The following SORBS2 variants were observed in gnomAD, a reference collection of about 807,000 sequenced individuals.
SORBS2 encodes sorbin and SH3 domain containing 2, also known as sorbin and SH3 domain-containing protein 2.
In SORBS2, 46 loss-of-function variants were observed where a neutral mutation model predicts 97.7. The ratio of observed to expected loss-of-function variants is 0.47; its 90% CI spans 0.37 to 0.60. The LOEUF (loss-of-function observed/expected upper bound fraction) is 0.60, where lower values mean the gene tolerates loss of function less well. Ranked by LOEUF, SORBS2 falls within the 20% of genes least tolerant of loss-of-function variation. The pLI is 0.00. For synonymous variants in SORBS2, 476 were observed against 473.4 expected, an observed-to-expected ratio of 1.01 and a Z score of -0.07; for missense variants, 1,316 against 1,282.3, an observed-to-expected ratio of 1.03 and a Z score of -0.40.
intron 2 of SORBS2, among the ~76,000 whole-genome samples, chr4:185,694,937 C>T (rs1179689762): frequency 6.6e-6 from 1 of 151,688 alleles, no homozygotes; most frequent in Non-Finnish European, 1.5e-5. Flanking sequence ...AAACTCCTGA[C>T]CTTGTGATCC....
At chr4:185,599,513 T>G (rs1046988383) in intron 12 of SORBS2, among the ~76,000 whole-genome samples, 1 of 151,980 alleles carries the variant, frequency 6.6e-6, no homozygotes, top group Non-Finnish European at 1.5e-5. Flanking sequence ...GTAGTGCACA[T>G]CACCAGAGAA....
rs376740726 is a variant in SORBS2, at chr4:185,620,140, G to C, written c.2227C>G (p.Pro743Ala). The change falls in exon 8 of 15, where the codon CCT becomes GCT. Residue 743 changes from proline (P) to alanine (A), a missense_variant. Pro to Ala is a conservative substitution (Grantham distance 27). Transcript: ENST00000418609. ...GTCAAAGTGGATGAGTAACTTCTAGGGGACTCACGGTCTATTGGAAAGAAC... is the reference window on the plus strand; with the variant it reads ...GTCAAAGTGGATGAGTAACTTCTAGCGGACTCACGGTCTATTGGAAAGAAC... 9 of 1,608,242 alleles carry C rather than the reference G, an allele frequency of 5.6e-6. No homozygotes were observed. The South Asian group carries it at 8.8e-5, about 16-fold the overall frequency.
At chr4:185,777,786 C>CA (rs34060946) in intron 1 of SORBS2, among the ~76,000 whole-genome samples, 32,192 of 145,982 alleles carry the variant, frequency 0.22, 4,036 homozygotes, top group Middle Eastern at 0.32. Flanking sequence ...GGTCTTTATA[C>CA]AAAAAAAAAA....
Position 185,619,231 on chromosome 4 carries a change from C to T in SORBS2, c.2305-600G>A, listed in dbSNP as rs561735868. Among the ~76,000 whole-genome samples, 7 of 152,304 alleles carry T rather than the reference C, an allele frequency of 4.6e-5. 1 individual carries two copies. The highest frequency in any genetic ancestry group is 9.6e-5 in the African/African-American group (4 of 41,560). On this transcript the variant is annotated intron_variant, in intron 8 of 14. Coordinates refer to ENST00000418609, the Ensembl canonical transcript of SORBS2. ...CTTTTAGTTGTGATGTGATGTGACACGTGCCCATCCTCAAACTCTGGGGGC... is the reference window on the plus strand; with the variant it reads ...CTTTTAGTTGTGATGTGATGTGACATGTGCCCATCCTCAAACTCTGGGGGC...
chr4:185,676,973 A>G (rs2097795996), intron 4 of SORBS2: 6 of 1,543,458 alleles, frequency 3.9e-6, no homozygotes, highest in Non-Finnish European at 5.3e-6. Context: ...TATTAATACG[A>G]AGAGACTGAG....
At chr4:185,662,063 A>T in intron 5 of SORBS2, 41 bp downstream of exon 8, 1 of 1,611,158 alleles carries the variant, frequency 6.2e-7, no homozygotes, top group Non-Finnish European at 8.5e-7. Context: ...TACTTGCCGC[A>T]TTGAGGTTGC....
chr4:185,932,281 C>A (rs2099266892), intron 1 of SORBS2, among the ~76,000 whole-genome samples: 3 of 151,644 alleles, frequency 2.0e-5, no homozygotes, highest in African/African-American at 2.4e-5. Context: ...CCCTGATATA[C>A]TGAAGAAATC....
At chr4:185,705,524 G>A (rs139453602) in intron 2 of SORBS2, among the ~76,000 whole-genome samples, 2,213 of 151,690 alleles carry the variant, frequency 0.015, 28 homozygotes, top group Non-Finnish European at 0.019. Context: ...CCAGCCTGGC[G>A]ACAGAGCAAG....
In SORBS2 at chr4:185,600,847, GA is replaced by G. The variant is rs1195977203; in HGVS notation, c.2797-6913del. Reference sequence around the variant, plus strand: ...GAAGAAAATAAGGCCTTTTTGGGGGGAAACATGGTGAAATTTGATGAACTAC... The same window carrying G: ...GAAGAAAATAAGGCCTTTTTGGGGGGAACATGGTGAAATTTGATGAACTAC... On this transcript the variant is annotated intron_variant, in intron 12 of 14. Coordinates refer to ENST00000418609, the Ensembl canonical transcript of SORBS2. 2.0e-5 allele frequency among the ~76,000 whole-genome samples: 3 copies of G among 152,076 alleles called. No individual in the cohort carries two copies. In the South Asian group the frequency reaches 6.2e-4, roughly 32 times the overall value.
intron 4 of SORBS2, among the ~76,000 whole-genome samples, chr4:185,678,195 G>A (rs1434281770): frequency 3.9e-5 from 6 of 152,096 alleles, no homozygotes; most frequent in Non-Finnish European, 8.8e-5. Context: ...GTTAAAAACC[G>A]ACATACTTTG....
chr4:185,798,177 C>A (rs1189689577), intron 1 of SORBS2, among the ~76,000 whole-genome samples: 1 of 152,156 alleles, frequency 6.6e-6, no homozygotes, highest in South Asian at 2.1e-4. Context: ...ACATGCCAGA[C>A]CTCACCCTAC....
chr4:185,651,835 A>T lies in SORBS2; in HGVS notation c.91+827T>A. 7.6e-7 allele frequency: 1 copy of T among 1,320,632 alleles called. No homozygotes were observed. Among genetic ancestry groups the T allele is most frequent in the East Asian group, 2.3e-5 (1 of 43,166 alleles). The allele number at this position is 1,320,632 out of a possible 1,614,324, so 81.8% of individuals were successfully genotyped here. A position where few individuals can be genotyped will look rare whatever the true frequency, so the allele number is the denominator to read the frequency against. On this transcript the variant is annotated intron_variant, in intron 2 of 14. Transcript: ENST00000418609. ...TACATGTCTGTGTCATCATCTAGAA[A>T]ATGAAACATAAATATTATGGTAATA...
At chr4:185,798,887 T>C (rs1050867391) in intron 1 of SORBS2, among the ~76,000 whole-genome samples, 15 of 152,180 alleles carry the variant, frequency 9.9e-5, no homozygotes, top group Admixed American at 2.6e-4. Context: ...CCATTCCCAT[T>C]TTGGTTAACA....
chr4:185,669,576 G>A (rs1253148523), intron 4 of SORBS2, among the ~76,000 whole-genome samples: 1 of 152,112 alleles, frequency 6.6e-6, no homozygotes, highest in East Asian at 1.9e-4. Flanking sequence ...GAGAGGAGGG[G>A]AAAGTGCTCG....
chr4:185,650,568 C>T (rs902421520), intron 2 of SORBS2, among the ~76,000 whole-genome samples: 3 of 152,150 alleles, frequency 2.0e-5, no homozygotes. Flanking sequence ...ACACAAACCT[C>T]AATATTAAAA....
chr4:185,853,381 A>G (rs2099218993), intron 1 of SORBS2, among the ~76,000 whole-genome samples: 1 of 152,202 alleles, frequency 6.6e-6, no homozygotes, highest in South Asian at 2.1e-4. Context: ...TCTTTAAGGC[A>G]TGATCTCGGC....
chr4:185,785,786 G>A (rs997681912), intron 1 of SORBS2, among the ~76,000 whole-genome samples: 11 of 152,328 alleles, frequency 7.2e-5, no homozygotes, highest in African/African-American at 2.4e-4. Flanking sequence ...GCATGGGCTT[G>A]GAGAATCAAG....
chr4:185,870,286 C>T (rs535940174), intron 1 of SORBS2, among the ~76,000 whole-genome samples: 1 of 152,306 alleles, frequency 6.6e-6, no homozygotes, highest in South Asian at 2.1e-4. Context: ...TTCGTGAAAT[C>T]TTCAGGAGAC....
chr4:185,682,218 A>G (rs2097880945), intron 2 of SORBS2, among the ~76,000 whole-genome samples: 1 of 152,138 alleles, frequency 6.6e-6, no homozygotes, highest in South Asian at 2.1e-4. Flanking sequence ...AGACAGACTA[A>G]TTTTCTTAAG....
Sources: allele counts gnomAD v4.1 joint callset (sites outside exome capture counted in the v4.1 genomes callset), GRCh38; gene constraint gnomAD v4.1.1; transcripts MANE v1.5; gene names NCBI Gene and HGNC (gene_info 2026-07-23, HGNC 2026-07-21).